MYCBP2: variants seen among roughly 807,000 people sequenced by gnomAD.
The protein encoded by MYCBP2 is MYC binding protein 2.
Under a neutral mutation model 525.3 loss-of-function variants are expected in MYCBP2, and 120 were observed. The ratio of observed to expected loss-of-function variants is 0.23; its 90% CI spans 0.20 to 0.27. The LOEUF is 0.27. MYCBP2 is among the 10% of genes least tolerant of loss of function. The pLI is 1.00. For synonymous variants in MYCBP2, 1,894 were observed against 1,955.8 expected, an observed-to-expected ratio of 0.97 and a Z score of 0.83; for missense variants, 4,149 against 5,657.1, an observed-to-expected ratio of 0.73 and a Z score of 8.55.
At chr13:77,108,814 C>T (rs2048289165) in intron 55 of MYCBP2, among the ~76,000 whole-genome samples, 1 of 152,056 alleles carries the variant, frequency 6.6e-6, no homozygotes, top group Admixed American at 6.6e-5. Context: ...CACCATTCTC[C>T]CGCCTCAGCT....
At chr13:77,191,540 G>C in intron 28 of MYCBP2, 139 bp downstream of exon 28, 1 of 997,408 alleles carries the variant, frequency 1.0e-6, no homozygotes. Context: ...GAGGTTACAT[G>C]AATTTAATTT....
At chr13:77,171,327 G>C (rs1042504376) in intron 38 of MYCBP2, among the ~76,000 whole-genome samples, 165 bp downstream of exon 38, 1 of 152,206 alleles carries the variant, frequency 6.6e-6, no homozygotes, top group Non-Finnish European at 1.5e-5. Flanking sequence ...CTGCATTACA[G>C]TATGGAGAGT....
chr13:77,163,986 A>C (rs778602529), intron 43 of MYCBP2, among the ~76,000 whole-genome samples: 6 of 152,168 alleles, frequency 3.9e-5, no homozygotes, highest in Non-Finnish European at 8.8e-5. Context: ...ATCCTAAGCT[A>C]TCTTCTCTTT....
chr13:77,095,607 C>A lies in MYCBP2; in HGVS notation c.9955-5G>T, dbSNP rs369704783. ...TTTTCTCCTAGATTGTTTGACCTGGCGAAGAAAAAAATCAAACTAATCTTT... is the reference window on the plus strand; with the variant it reads ...TTTTCTCCTAGATTGTTTGACCTGGAGAAGAAAAAAATCAAACTAATCTTT... On this transcript the variant is annotated splice_polypyrimidine_tract_variant and splice_region_variant and intron_variant, in intron 57 of 82. Transcript: ENST00000544440. 1.1e-5 allele frequency: 18 copies of A among 1,603,402 alleles called. No individual in the cohort carries two copies. Among genetic ancestry groups the A allele is most frequent in the African/African-American group, 4.0e-5 (3 of 74,328 alleles).
chr13:77,124,379 A>G (rs1594748882), intron 54 of MYCBP2, among the ~76,000 whole-genome samples: 1 of 152,330 alleles, frequency 6.6e-6, no homozygotes, highest in Admixed American at 6.5e-5. Context: ...TCTTGGAATA[A>G]TAAGTATTAT....
intron 51 of MYCBP2, 80 bp downstream of exon 51, chr13:77,139,967 C>T (rs934523446): frequency 1.2e-6 from 1 of 851,848 alleles, no homozygotes; most frequent in Non-Finnish European, 1.8e-6. Flanking sequence ...TGACAAAAAA[C>T]TCAGTAACCT....
At chr13:77,072,332 ATAAGAAAAC>A (rs2041510060) in intron 68 of MYCBP2, among the ~76,000 whole-genome samples, 2 of 151,556 alleles carry the variant, frequency 1.3e-5, no homozygotes, top group Admixed American at 6.6e-5. Flanking sequence ...TCAAATGGGA[ATAAGAAAAC>A]TAAGAAAACA....
chr13:77,256,395 T>C (rs769376462), intron 14 of MYCBP2, among the ~76,000 whole-genome samples: 5 of 152,082 alleles, frequency 3.3e-5, no homozygotes, highest in Non-Finnish European at 4.4e-5. Flanking sequence ...ATTTAGAAGA[T>C]GATTGGAGTA....
chr13:77,249,063 C>A (rs892421317), intron 15 of MYCBP2, among the ~76,000 whole-genome samples: 13 of 152,106 alleles, frequency 8.5e-5, no homozygotes, highest in African/African-American at 3.1e-4. Context: ...CTAGAGTAGT[C>A]AATCAGACAC....
chr13:77,210,404 G>A (rs1345142209), intron 23 of MYCBP2, among the ~76,000 whole-genome samples: 1 of 152,036 alleles, frequency 6.6e-6, no homozygotes, highest in Non-Finnish European at 1.5e-5. Flanking sequence ...GTGTTAGCCA[G>A]GATGGTCTCG....
chr13:77,140,534 A>T (rs2054452820), intron 50 of MYCBP2, among the ~76,000 whole-genome samples: 1 of 152,168 alleles, frequency 6.6e-6, no homozygotes, highest in Non-Finnish European at 1.5e-5. Flanking sequence ...TACTCTTTAG[A>T]TTTCAGAAAT....
At chr13:77,229,837 G>C (rs957887019) in intron 18 of MYCBP2, among the ~76,000 whole-genome samples, 1 of 152,044 alleles carries the variant, frequency 6.6e-6, no homozygotes, top group African/African-American at 2.4e-5. Flanking sequence ...TTTCCAAACA[G>C]AAAGTAAGAG....
chr13:77,109,266 C>G lies in MYCBP2; in HGVS notation c.8141-10253G>C, dbSNP rs113249335. Among the ~76,000 whole-genome samples, 309 of 152,218 alleles carry G rather than the reference C, an allele frequency of 2.0e-3. 2 individuals carry two copies. Among genetic ancestry groups the G allele is most frequent in the African/African-American group, 5.4e-3 (225 of 41,544 alleles). ...AAATAGTCTCAAGATGGAACTGCTC[C>G]ACCTCAGATCATCAGGCATTAGATT... On this transcript the variant is annotated intron_variant, in intron 55 of 82. Transcript: ENST00000544440.
chr13:77,097,116 C>T (rs1361116108), intron 56 of MYCBP2, among the ~76,000 whole-genome samples: 2 of 152,060 alleles, frequency 1.3e-5, no homozygotes, highest in African/African-American at 2.4e-5. Flanking sequence ...AATGGCACAC[C>T]CTTTGGGTAA....
intron 82 of MYCBP2, among the ~76,000 whole-genome samples, chr13:77,046,246 C>T (rs1314936559): frequency 6.6e-6 from 1 of 152,088 alleles, no homozygotes; most frequent in African/African-American, 2.4e-5. Context: ...TTTTTAGTTC[C>T]TTTAGAAACC....
At chr13:77,315,777 C>T (rs1373938363) in intron 1 of MYCBP2, among the ~76,000 whole-genome samples, 11 of 151,656 alleles carry the variant, frequency 7.3e-5, no homozygotes, top group Admixed American at 7.2e-4. Context: ...TGCCTGTAAT[C>T]CCAGCTACTC....
intron 42 of MYCBP2, 77 bp from the exon 43 acceptor site, chr13:77,164,618 A>C (rs2058325021): frequency 1.1e-6 from 1 of 877,094 alleles, no homozygotes; most frequent in Non-Finnish European, 1.9e-6. Flanking sequence ...TGTGATTTGA[A>C]TTCAAGCATT....
intron 52 of MYCBP2, among the ~76,000 whole-genome samples, chr13:77,130,879 TAAA>T (rs1016424584): frequency 4.6e-5 from 7 of 152,162 alleles, no homozygotes; most frequent in African/African-American, 9.7e-5. Context: ...AAGTTAGTGA[TAAA>T]GAAGCAATGT....
chr13:77,244,024 A>G (rs1400598926), intron 15 of MYCBP2, 73 bp from the exon 16 acceptor site: 9 of 1,406,540 alleles, frequency 6.4e-6, no homozygotes, highest in Non-Finnish European at 7.5e-6. Flanking sequence ...ACTCTTTTCT[A>G]TAACTTATTT....
Sources: gnomAD v4.1 joint callset for allele counts (sites outside exome capture counted in the v4.1 genomes callset) on GRCh38, gnomAD v4.1.1 for gene constraint, MANE v1.5 for transcripts, NCBI Gene and HGNC (gene_info 2026-07-23, HGNC 2026-07-21) for gene names.